Variants in THSD7B observed in about 807,000 individuals in gnomAD.
THSD7B encodes thrombospondin type-1 domain-containing protein 7B.
A neutral mutation model predicts 213.6 loss-of-function variants in THSD7B; 138 were observed. The observed-to-expected ratio is 0.65, with a 90% CI of 0.56 to 0.74. The LOEUF (loss-of-function observed/expected upper bound fraction) is 0.74, where lower values mean the gene tolerates loss of function less well. Among genes scored for constraint, THSD7B ranks in the 30% least tolerant of loss-of-function variants. The pLI is 0.00. For synonymous variants in THSD7B, 742 were observed against 687.0 expected, an observed-to-expected ratio of 1.08 and a Z score of -1.25; for missense variants, 1,931 against 1,991.5, an observed-to-expected ratio of 0.97 and a Z score of 0.58.
intron 25 of THSD7B, among the ~76,000 whole-genome samples, chr2:137,662,241 TC>T (rs759415957): frequency 0.061 from 5,547 of 91,662 alleles, 361 homozygotes; most frequent in African/African-American, 0.087. Context: ...TTTTTTTTTT[TC>T]TTTTTTTTTT....
At chr2:137,352,682 C>T (rs1180396965) in intron 12 of THSD7B, among the ~76,000 whole-genome samples, 1 of 151,984 alleles carries the variant, frequency 6.6e-6, no homozygotes, top group Non-Finnish European at 1.5e-5. Context: ...ATGTCCCTGA[C>T]ACCGCCCTCT....
At chr2:137,471,588 A>G (rs891560972) in intron 15 of THSD7B, among the ~76,000 whole-genome samples, 2 of 151,598 alleles carry the variant, frequency 1.3e-5, no homozygotes, top group African/African-American at 4.9e-5. Flanking sequence ...CCCCATGCCT[A>G]CTCCTCAGGT....
chr2:137,483,854 C>T (rs935948697), intron 15 of THSD7B, among the ~76,000 whole-genome samples: 5 of 151,992 alleles, frequency 3.3e-5, no homozygotes, highest in East Asian at 3.9e-4. Context: ...ATTTACAGTC[C>T]GTGTTCATGG....
At chr2:137,674,159 G>A (rs944874141) in intron 27 of THSD7B, among the ~76,000 whole-genome samples, 4 of 152,136 alleles carry the variant, frequency 2.6e-5, no homozygotes, top group African/African-American at 9.7e-5. Context: ...TCCTGGCTTT[G>A]CATTCTCAAC....
At chr2:137,641,727 T>C (rs886291783) in intron 20 of THSD7B, among the ~76,000 whole-genome samples, 5 of 152,228 alleles carry the variant, frequency 3.3e-5, no homozygotes, top group Non-Finnish European at 7.3e-5. Flanking sequence ...ACTGCTCTTT[T>C]CTGAGCGATT....
chr2:137,617,503 T>C (rs751822659), intron 18 of THSD7B, among the ~76,000 whole-genome samples: 7 of 152,192 alleles, frequency 4.6e-5, no homozygotes, highest in Admixed American at 1.3e-4. Context: ...TGAAAAAATA[T>C]AGTTTCTGTA....
intron 1 of THSD7B, among the ~76,000 whole-genome samples, chr2:136,769,277 C>CTAAGCCATGA (rs1356766359): frequency 1.3e-5 from 2 of 152,182 alleles, no homozygotes; most frequent in African/African-American, 2.4e-5. Context: ...TGCTTTCATT[C>CTAAGCCATGA]TAAGCCATGA....
At chr2:137,533,659 A>G (rs1020832429) in intron 15 of THSD7B, among the ~76,000 whole-genome samples, 8 of 152,074 alleles carry the variant, frequency 5.3e-5, no homozygotes, top group African/African-American at 1.7e-4. Context: ...AAAGAAGAAA[A>G]CAATTATTCC....
intron 7 of THSD7B, among the ~76,000 whole-genome samples, chr2:137,200,790 C>A (rs559582106): frequency 5.9e-4 from 90 of 152,230 alleles, no homozygotes; most frequent in African/African-American, 1.9e-3. Context: ...CCTGACTCAA[C>A]TTCCCAAGTA....
intron 2 of THSD7B, among the ~76,000 whole-genome samples, chr2:136,943,064 C>CGT (rs1684860071): frequency 1.3e-5 from 2 of 152,138 alleles, no homozygotes; most frequent in Non-Finnish European, 2.9e-5. Context: ...GCATGAAAGG[C>CGT]TGTTGAATTT....
intron 1 of THSD7B, among the ~76,000 whole-genome samples, chr2:136,800,542 G>A (rs1315836125): frequency 6.6e-6 from 1 of 151,946 alleles, no homozygotes; most frequent in Admixed American, 6.6e-5. Context: ...TAGAGAATGG[G>A]TGTTTTTATC....
At chr2:137,199,498 T>C (rs1259753645) in intron 7 of THSD7B, among the ~76,000 whole-genome samples, 1 of 152,196 alleles carries the variant, frequency 6.6e-6, no homozygotes, top group African/African-American at 2.4e-5. Context: ...TATTTACACT[T>C]GTCATGTTTT....
At chr2:137,635,759 C>T (rs369608612) in intron 20 of THSD7B, among the ~76,000 whole-genome samples, 42 of 151,630 alleles carry the variant, frequency 2.8e-4, no homozygotes, top group African/African-American at 9.2e-4. Flanking sequence ...GGCTACAGTG[C>T]AGTGGCACGA....
intron 4 of THSD7B, among the ~76,000 whole-genome samples, chr2:137,102,191 A>G (rs1389095845): frequency 2.0e-5 from 3 of 152,240 alleles, no homozygotes; most frequent in Admixed American, 6.5e-5. Context: ...TTCCAGAGGA[A>G]GGAACAGGCA....
intron 15 of THSD7B, among the ~76,000 whole-genome samples, chr2:137,471,980 T>C (rs1688102242): frequency 6.6e-6 from 1 of 152,136 alleles, no homozygotes; most frequent in Non-Finnish European, 1.5e-5. Context: ...TGAAAAATAA[T>C]GTGGTGGGTT....
At chr2:137,176,726 G>A (rs34736580) in intron 7 of THSD7B, among the ~76,000 whole-genome samples, 7,006 of 152,196 alleles carry the variant, frequency 0.046, 197 homozygotes, top group Admixed American at 0.069. Context: ...GCAACCCCAG[G>A]GAGCAGTCTT....
chr2:137,106,985 A>G (rs1030861950), intron 4 of THSD7B, among the ~76,000 whole-genome samples: 3 of 152,216 alleles, frequency 2.0e-5, no homozygotes, highest in Admixed American at 1.3e-4. Flanking sequence ...CAGTGTGGTG[A>G]TTCCTCAAGG....
intron 2 of THSD7B, among the ~76,000 whole-genome samples, chr2:136,930,573 G>T (rs917629799): frequency 1.3e-5 from 2 of 152,154 alleles, no homozygotes; most frequent in African/African-American, 4.8e-5. Context: ...TCTGAAAGTG[G>T]TACCCAGCTA....
At chr2:137,486,930 G>A (rs1407895268) in intron 15 of THSD7B, among the ~76,000 whole-genome samples, 1 of 152,158 alleles carries the variant, frequency 6.6e-6, no homozygotes, top group Non-Finnish European at 1.5e-5. Context: ...AAATAAAGAT[G>A]TTCTTTGAAA....
Sources: allele counts gnomAD v4.1 joint callset (sites outside exome capture counted in the v4.1 genomes callset), GRCh38; gene constraint gnomAD v4.1.1; transcripts MANE v1.5; gene names NCBI Gene and HGNC (gene_info 2026-07-23, HGNC 2026-07-21).